The following KIF1B variants were observed in gnomAD, a reference collection of about 807,000 sequenced individuals.
The protein encoded by KIF1B is kinesin family member 1B, also known as kinesin-like protein KIF1B.
In KIF1B, 76 loss-of-function variants were observed where a neutral mutation model predicts 241.9. The observed-to-expected ratio is 0.31, with a 90% CI of 0.26 to 0.38. The LOEUF (loss-of-function observed/expected upper bound fraction) is 0.38. KIF1B is among the 10% of genes least tolerant of loss of function. The pLI is 1.00. For synonymous variants in KIF1B, 750 were observed against 796.7 expected, an observed-to-expected ratio of 0.94 and a Z score of 0.99; for missense variants, 1,622 against 2,271.4, an observed-to-expected ratio of 0.71 and a Z score of 5.81.
chr1:10,339,961 C>T (rs961412239), intron 32 of KIF1B, 102 bp downstream of exon 32: 5 of 964,738 alleles, frequency 5.2e-6, no homozygotes, highest in Non-Finnish European at 8.2e-6. Context: ...ACTGGCTGTG[C>T]AGGGGGAGAG....
intron 15 of KIF1B, among the ~76,000 whole-genome samples, chr1:10,284,114 C>A (rs1157362319): frequency 6.6e-6 from 1 of 152,192 alleles, no homozygotes; most frequent in Non-Finnish European, 1.5e-5. Flanking sequence ...TGGCTCACAC[C>A]TGTAAACCCA....
In KIF1B at chr1:10,365,427, T is replaced by A; in HGVS notation, c.4531T>A (p.Phe1511Ile). The change falls in exon 43 of 49, where the codon TTT becomes ATT. Residue 1511 changes from phenylalanine to isoleucine, a missense_variant. By Grantham distance (21) the Phe-to-Ile change is conservative (BLOSUM62 0). Coordinates refer to ENST00000676179, the MANE Select transcript of KIF1B (RefSeq NM_001365951.3). The surrounding 1 kb of genome is among the most constrained non-coding windows in gnomAD (Gnocchi z 4.0). ...TTCTCAGGTGGAAAAAACCCGCCAC[T>A]TTTTGCTGCTGCGTGAGAGACTTGG... ...LLHEVEKTRHFLLLRERLGDS... is the reference protein window; with the variant it reads ...LLHEVEKTRHILLLRERLGDS... 6.2e-7 allele frequency: 1 copy of A among 1,614,194 alleles called. No individual in the cohort carries two copies. The highest frequency in any genetic ancestry group is 8.5e-7 in the Non-Finnish European group (1 of 1,180,038).
intron 22 of KIF1B, among the ~76,000 whole-genome samples, chr1:10,308,817 C>G (rs1650948265): frequency 6.6e-6 from 1 of 152,124 alleles, no homozygotes. Flanking sequence ...ATCTTTCAGC[C>G]CTATTTTATG....
At chr1:10,356,933 G>A (rs1323375975) in intron 38 of KIF1B, among the ~76,000 whole-genome samples, 1 of 143,244 alleles carries the variant, frequency 7.0e-6, no homozygotes, top group Non-Finnish European at 1.5e-5. Context: ...TAAATAAAGT[G>A]CGGTAGCATG....
intron 15 of KIF1B, among the ~76,000 whole-genome samples, chr1:10,287,086 T>TC (rs1225378576): frequency 1.3e-5 from 2 of 152,238 alleles, no homozygotes; most frequent in East Asian, 3.8e-4. Context: ...GAACAGAATA[T>TC]CCTTCACTTT....
intron 2 of KIF1B, among the ~76,000 whole-genome samples, chr1:10,240,732 T>C (rs1647125103): frequency 6.7e-6 from 1 of 149,686 alleles, no homozygotes; most frequent in African/African-American, 2.5e-5. Flanking sequence ...TTTTTTTTTT[T>C]TTTTTTTTTT....
intron 10 of KIF1B, among the ~76,000 whole-genome samples, chr1:10,273,406 T>C (rs1648908011): frequency 6.6e-6 from 1 of 152,030 alleles, no homozygotes; most frequent in African/African-American, 2.4e-5. Flanking sequence ...ATACAAAAAT[T>C]AGCTGGGTGT....
At chr1:10,265,225 TTTATTTATTTATTTA>T (rs1648387951) in intron 5 of KIF1B, among the ~76,000 whole-genome samples, 1 of 148,990 alleles carries the variant, frequency 6.7e-6, no homozygotes, top group Non-Finnish European at 1.5e-5. Context: ...TATTTATTTA[TTTATTTATTTATTTA>T]TTTATTTATT....
intron 3 of KIF1B, among the ~76,000 whole-genome samples, chr1:10,258,089 C>T (rs1156471612): frequency 6.6e-6 from 1 of 152,176 alleles, no homozygotes; most frequent in African/African-American, 2.4e-5. Flanking sequence ...GAAATAGTCC[C>T]AGTAGCTGGA....
chr1:10,364,430 C>G (rs1471165779), intron 41 of KIF1B, among the ~76,000 whole-genome samples: 2 of 151,848 alleles, frequency 1.3e-5, no homozygotes, highest in Non-Finnish European at 2.9e-5. Flanking sequence ...GTCTCGAACT[C>G]CTGACCTCAG....
intron 22 of KIF1B, among the ~76,000 whole-genome samples, chr1:10,313,752 G>C (rs919712660): frequency 2.0e-5 from 3 of 150,836 alleles, no homozygotes; most frequent in African/African-American, 7.4e-5. Context: ...GGGTTTCACC[G>C]TGTTAGCCAG....
chr1:10,330,027 C>G (rs1310995815), intron 27 of KIF1B, among the ~76,000 whole-genome samples: 2 of 152,120 alleles, frequency 1.3e-5, no homozygotes, highest in Non-Finnish European at 2.9e-5. Flanking sequence ...GCTAATTTTT[C>G]TTATCTTTAT....
chr1:10,313,548 A>ATTTTTTTT (rs33994083), intron 22 of KIF1B, among the ~76,000 whole-genome samples: 1 of 121,412 alleles, frequency 8.2e-6, no homozygotes. Flanking sequence ...ACTAGTTAGG[A>ATTTTTTTT]TTTTTTTTTT....
intron 22 of KIF1B, chr1:10,304,453 A>G (rs1430339537): frequency 1.2e-6 from 2 of 1,611,488 alleles, no homozygotes; most frequent in African/African-American, 2.7e-5. Flanking sequence ...TTTCCAGGCA[A>G]AGCGCCATAT....
rs1638975858 is a variant in KIF1B, at chr1:10,379,742, T to G, written c.*3155T>G. ...CTGTCTCTCATCCTCCTTTCTCCCA[T>G]CAAAGCAAAATATGGCCTCACCACC... On this transcript the variant is annotated 3_prime_UTR_variant, in exon 49 of 49. Transcript: ENST00000676179. The G allele has an allele frequency of 3.0e-5, 7 of 230,716 alleles. 1 individual carries two copies. Among genetic ancestry groups the G allele is most frequent in the Non-Finnish European group, 6.0e-5 (7 of 116,564 alleles). The allele number at this position is 230,716 out of a possible 1,614,324, so 14.3% of individuals were successfully genotyped here.
At chr1:10,216,927 C>CTTCTT (rs1369771295) in intron 1 of KIF1B, among the ~76,000 whole-genome samples, 1 of 124,088 alleles carries the variant, frequency 8.1e-6, no homozygotes, top group East Asian at 2.6e-4. Context: ...ATTGGTTACT[C>CTTCTT]TTCTTTTCCC....
chr1:10,331,976 T>TA (rs35412726), intron 27 of KIF1B, among the ~76,000 whole-genome samples: 49,928 of 152,126 alleles, frequency 0.33, 8,334 homozygotes, highest in Middle Eastern at 0.38. Flanking sequence ...AGCTTTCACT[T>TA]ATGCATTTCT....
chr1:10,295,253 A>G (rs1650204545), intron 18 of KIF1B, 88 bp downstream of exon 18: 3 of 840,652 alleles, frequency 3.6e-6, no homozygotes, highest in Non-Finnish European at 6.2e-6. Context: ...GAAAAAATTA[A>G]CGTAATGATT....
intron 37 of KIF1B, 25 bp downstream of exon 37, chr1:10,348,758 A>G (rs369104263): frequency 1.0e-4 from 163 of 1,575,328 alleles, no homozygotes; most frequent in Non-Finnish European, 1.4e-4. Context: ...TCAGCCAAGG[A>G]TAGAACCAGG....
Sources: gnomAD v4.1 joint callset for allele counts (sites outside exome capture counted in the v4.1 genomes callset) on GRCh38, gnomAD v4.1.1 for gene constraint, Gnocchi (gnomAD v3.1) non-coding constraint, MANE v1.5 for transcripts, NCBI Gene and HGNC (gene_info 2026-07-23, HGNC 2026-07-21) for gene names.